The following MYBPC1 variants were observed in gnomAD, a reference collection of about 807,000 sequenced individuals.
The protein encoded by MYBPC1 is myosin binding protein C1.
In MYBPC1, 52 loss-of-function variants were observed where a neutral mutation model predicts 147.1. That is an observed-to-expected ratio of 0.35 (90% confidence interval 0.28 to 0.45). MYBPC1 has a LOEUF of 0.45. Ranked by LOEUF, MYBPC1 falls within the 20% of genes least tolerant of loss-of-function variation. The pLI, the probability that MYBPC1 is intolerant of heterozygous loss-of-function variation, is 1.00. For missense variants in MYBPC1, 1,228 were observed against 1,440.3 expected (o/e 0.85, Z 2.39); for synonymous variants, 477 against 475.9 (o/e 1.00, Z -0.03).
Position 101,675,277 on chromosome 12 carries a change from G to T in MYBPC1, c.2810-15G>T, listed in dbSNP as rs1252492287. On this transcript the variant is annotated splice_polypyrimidine_tract_variant and intron_variant, in intron 25 of 31. Coordinates refer to ENST00000361466, the MANE Select transcript of MYBPC1 (RefSeq NM_002465.4). ...GAAAGTGACCTTGCAGTGACACCATGAATTCATCCTGTAGACCGTCCAGGT... is the reference window on the plus strand; with the variant it reads ...GAAAGTGACCTTGCAGTGACACCATTAATTCATCCTGTAGACCGTCCAGGT... The T allele has an allele frequency of 1.2e-6, 2 of 1,613,930 alleles. No homozygotes were observed. Among genetic ancestry groups the T allele is most frequent in the East Asian group, 4.5e-5 (2 of 44,876 alleles).
intron 13 of MYBPC1, 170 bp downstream of exon 13, chr12:101,647,057 C>A: frequency 1.3e-6 from 1 of 785,790 alleles, no homozygotes; most frequent in South Asian, 1.6e-5. Context: ...GAAAGAGAAC[C>A]TGTTGAGTAC....
the MYBPC1 span, among the ~76,000 whole-genome samples, chr12:101,692,410 G>A: frequency 6.6e-6 from 1 of 152,158 alleles, no homozygotes; most frequent in Non-Finnish European, 1.5e-5. Flanking sequence ...TAAGTTATTA[G>A]GTGGCATTTT....
In MYBPC1 at chr12:101,651,411, C is replaced by A; in HGVS notation, c.1526+18C>A. ...AAGGGAAGGTAAGCGAGCCAGGTGA[C>A]CCGCAAGTGAGGTTTGGTCCCATTT... On this transcript the variant is annotated intron_variant, in intron 16 of 31. Coordinates refer to ENST00000361466, the MANE Select transcript of MYBPC1 (RefSeq NM_002465.4). The A allele has an allele frequency of 6.2e-7, 1 of 1,613,768 alleles. No individual in the cohort carries two copies. Among genetic ancestry groups the A allele is most frequent in the African/African-American group, 1.3e-5 (1 of 75,036 alleles).
chr12:101,630,616 T>C (rs1889690745), intron 6 of MYBPC1, among the ~76,000 whole-genome samples: 1 of 152,196 alleles, frequency 6.6e-6, no homozygotes, highest in Non-Finnish European at 1.5e-5. Flanking sequence ...GACAGCTGAT[T>C]GGGCAAATGG....
intron 1 of MYBPC1, among the ~76,000 whole-genome samples, chr12:101,606,537 C>G (rs1338635172): frequency 2.0e-5 from 3 of 150,608 alleles, no homozygotes; most frequent in African/African-American, 7.4e-5. Context: ...CTCCTGAGCT[C>G]AAGCAAGCCA....
intron 25 of MYBPC1, among the ~76,000 whole-genome samples, chr12:101,674,125 G>A (rs552182998): frequency 3.4e-4 from 52 of 152,260 alleles, no homozygotes; most frequent in African/African-American, 1.3e-3. Flanking sequence ...AATCACAGGA[G>A]ATTTAAGGCA....
chr12:101,632,476 T>C (rs1206690554), intron 8 of MYBPC1, among the ~76,000 whole-genome samples: 2 of 152,186 alleles, frequency 1.3e-5, no homozygotes, highest in Non-Finnish European at 2.9e-5. Context: ...TAGGGTAATA[T>C]GCTATGAGAG....
At chr12:101,672,484 G>A (rs1413011124) in intron 24 of MYBPC1, among the ~76,000 whole-genome samples, 2 of 152,174 alleles carry the variant, frequency 1.3e-5, no homozygotes, top group African/African-American at 4.8e-5. Flanking sequence ...CAGCGAGAGG[G>A]AACAGAGAGA....
chr12:101,662,322 A>G (rs748483086), intron 20 of MYBPC1, 36 bp from the exon 21 acceptor site: 7 of 1,608,922 alleles, frequency 4.4e-6, no homozygotes, highest in South Asian at 3.3e-5. Context: ...TCAGAGACCA[A>G]GGAAAAACCT....
chr12:101,663,570 A>G lies in MYBPC1; in HGVS notation c.2356+10A>G, dbSNP rs1161389951. ...TATTGCTTTGAAGGAAGTAAGTACA[A>G]CCAGTAGATAAAATGAATACTGTCA... On this transcript the variant is annotated intron_variant, in intron 22 of 31. Coordinates refer to ENST00000361466, the MANE Select transcript of MYBPC1 (RefSeq NM_002465.4). The G allele has an allele frequency of 1.2e-6, 2 of 1,613,666 alleles. No individual in the cohort carries two copies.
chr12:101,626,264 CAT>C (rs747115638), intron 3 of MYBPC1, among the ~76,000 whole-genome samples: 13 of 152,002 alleles, frequency 8.6e-5, no homozygotes, highest in Non-Finnish European at 1.6e-4. Flanking sequence ...CACTAAAAGA[CAT>C]ATTTTGAATT....
intron 28 of MYBPC1, among the ~76,000 whole-genome samples, chr12:101,679,982 C>T (rs553849559): frequency 1.3e-5 from 2 of 152,178 alleles, no homozygotes; most frequent in African/African-American, 4.8e-5. Flanking sequence ...TTATCACAAT[C>T]AAATTAATAC....
chr12:101,608,342 CT>C (rs1565886498), intron 1 of MYBPC1, among the ~76,000 whole-genome samples: 1 of 151,994 alleles, frequency 6.6e-6, no homozygotes, highest in Non-Finnish European at 1.5e-5. Flanking sequence ...CTTGTTTTTC[CT>C]TTTTATTCAA....
intron 9 of MYBPC1, among the ~76,000 whole-genome samples, chr12:101,636,286 C>G (rs1031116600): frequency 6.6e-5 from 10 of 152,156 alleles, no homozygotes; most frequent in African/African-American, 2.4e-4. Context: ...ACATGAATAA[C>G]AGAGATCAGC....
At chr12:101,674,304 T>A (rs1899367349) in intron 25 of MYBPC1, among the ~76,000 whole-genome samples, 1 of 152,202 alleles carries the variant, frequency 6.6e-6, no homozygotes, top group African/African-American at 2.4e-5. Context: ...TAGTTTAACA[T>A]GTTTCTTACT....
At chr12:101,597,744 T>C (rs1877920376) in intron 1 of MYBPC1, among the ~76,000 whole-genome samples, 1 of 152,190 alleles carries the variant, frequency 6.6e-6, no homozygotes, top group Non-Finnish European at 1.5e-5. Flanking sequence ...ATCAATTGTA[T>C]ATTATGTATT....
At chr12:101,617,516 G>C (rs902168496) in intron 3 of MYBPC1, among the ~76,000 whole-genome samples, 8 of 152,078 alleles carry the variant, frequency 5.3e-5, no homozygotes, top group African/African-American at 1.7e-4. Context: ...TCCAAGTTTC[G>C]ACATGCATGC....
chr12:101,632,921 G>C (rs1389204656), intron 8 of MYBPC1, among the ~76,000 whole-genome samples: 1 of 152,134 alleles, frequency 6.6e-6, no homozygotes, highest in Non-Finnish European at 1.5e-5. Context: ...TTTTAGAAGA[G>C]ACGGGATTTC....
intron 10 of MYBPC1, among the ~76,000 whole-genome samples, chr12:101,639,511 G>A (rs1018697062): frequency 6.6e-6 from 1 of 152,160 alleles, no homozygotes; most frequent in Non-Finnish European, 1.5e-5. Flanking sequence ...ATTAAGTAAT[G>A]GAGAGAAAAG....
Sources: allele counts gnomAD v4.1 joint callset (sites outside exome capture counted in the v4.1 genomes callset), GRCh38; gene constraint gnomAD v4.1.1; transcripts MANE v1.5; gene names NCBI Gene and HGNC (gene_info 2026-07-23, HGNC 2026-07-21).